Variants in UGGT2 observed in about 807,000 individuals in gnomAD.
UGGT2 encodes UDP-glucose glycoprotein glucosyltransferase 2, also known as UDP-glucose:glycoprotein glucosyltransferase 2.
A neutral mutation model predicts 192.1 loss-of-function variants in UGGT2; 180 were observed. That is an observed-to-expected ratio of 0.94 (90% CI 0.83 to 1.06). The LOEUF (loss-of-function observed/expected upper bound fraction) is 1.06. Among genes scored for constraint, UGGT2 ranks in the 50% least tolerant of loss-of-function variants. The pLI is 0.00. For synonymous variants in UGGT2, 580 were observed against 591.0 expected (o/e 0.98, Z 0.27); for missense variants, 1,849 against 1,795.7 (o/e 1.03, Z -0.54).
chr13:95,935,106 T>A (rs1350310200), intron 17 of UGGT2, among the ~76,000 whole-genome samples: 1 of 152,188 alleles, frequency 6.6e-6, no homozygotes, highest in Non-Finnish European at 1.5e-5. Flanking sequence ...TTTGAGCCCG[T>A]CTCCTGTAGA....
chr13:95,866,965 C>G (rs973766200), intron 30 of UGGT2, among the ~76,000 whole-genome samples: 1 of 152,022 alleles, frequency 6.6e-6, no homozygotes, highest in Admixed American at 6.6e-5. Flanking sequence ...CAAAAAGAAT[C>G]TGCTATCATT....
At chr13:95,947,676 CCT>C (rs781218404) in intron 14 of UGGT2, among the ~76,000 whole-genome samples, 19 of 129,994 alleles carry the variant, frequency 1.5e-4, no homozygotes, top group Non-Finnish European at 2.3e-4. Context: ...GTCTTGAACC[CCT>C]GACCTCGTGA....
intron 16 of UGGT2, among the ~76,000 whole-genome samples, chr13:95,938,354 A>G (rs985145737): frequency 6.6e-6 from 1 of 152,208 alleles, no homozygotes; most frequent in African/African-American, 2.4e-5. Context: ...GTGACTAAAT[A>G]ACTCATTTGC....
Position 95,949,455 on chromosome 13 carries a change from C to A in UGGT2, c.1336-1G>T, listed in dbSNP as rs2049988189. The A allele has an allele frequency of 1.4e-6, 2 of 1,472,882 alleles. No homozygotes were observed. The highest frequency in any genetic ancestry group is 1.8e-6 in the Non-Finnish European group (2 of 1,104,468). 91.2% of individuals were successfully genotyped at this position (1,472,882 alleles called of 1,614,324 possible). A position where few individuals can be genotyped will look rare whatever the true frequency, so the allele number is the denominator to read the frequency against. On this transcript the variant is annotated splice_acceptor_variant, in intron 12 of 38. Coordinates refer to ENST00000376747, the MANE Select transcript of UGGT2 (RefSeq NM_020121.4). LOFTEE classifies it high-confidence loss of function. ...CATCATTTTCTAAGTCATTAATCCA[C>A]TAGAAAAGAACGCAGACACTTGTGA...
Position 96,013,409 on chromosome 13 carries a change from G to C in UGGT2, c.558C>G (p.Leu186=). The C allele has an allele frequency of 6.2e-7, 1 of 1,609,186 alleles. No homozygotes were observed. ...ATGTTCTAGTACCCATTTCGGCATA[G>C]AGAATCACCACTGGTAAGTTCTCTT... ...TNKENLPVVI[L]YAEMGTRTFS... The change falls in exon 5 of 39, where the codon CTC becomes CTG. Residue 186 remains leucine, a synonymous_variant. Transcript: ENST00000376747.
chr13:95,866,004 T>C (rs760136398), intron 30 of UGGT2, among the ~76,000 whole-genome samples: 20 of 152,158 alleles, frequency 1.3e-4, no homozygotes, highest in Non-Finnish European at 2.6e-4. Flanking sequence ...TTAAATCCAC[T>C]GCTGGTAATC....
At chr13:95,899,558 C>T (rs2048044342) in intron 22 of UGGT2, among the ~76,000 whole-genome samples, 1 of 151,858 alleles carries the variant, frequency 6.6e-6, no homozygotes, top group East Asian at 1.9e-4. Flanking sequence ...ATGTCAATAA[C>T]ACTATATGAA....
intron 2 of UGGT2, among the ~76,000 whole-genome samples, chr13:96,031,663 C>T (rs2052839094): frequency 6.6e-6 from 1 of 152,108 alleles, no homozygotes; most frequent in Non-Finnish European, 1.5e-5. Flanking sequence ...AATATCCAAA[C>T]ATGACTAATT....
At chr13:96,009,406 A>G (rs1457267479) in intron 5 of UGGT2, among the ~76,000 whole-genome samples, 2 of 152,252 alleles carry the variant, frequency 1.3e-5, no homozygotes, top group Non-Finnish European at 2.9e-5. Flanking sequence ...TAAACACGCA[A>G]CCTACAGAAT....
chr13:95,884,059 T>A (rs1594228913), intron 27 of UGGT2, among the ~76,000 whole-genome samples: 1 of 75,658 alleles, frequency 1.3e-5, no homozygotes, highest in Admixed American at 2.0e-4. Context: ...CTATGAGCTG[T>A]GAGGCCAAAA....
intron 1 of UGGT2, among the ~76,000 whole-genome samples, chr13:96,035,499 CA>C (rs2052975642): frequency 6.6e-6 from 1 of 152,156 alleles, no homozygotes; most frequent in Non-Finnish European, 1.5e-5. Flanking sequence ...GACATAGACA[CA>C]AGCAATGATT....
intron 7 of UGGT2, chr13:95,990,559 A>C (rs2051425119): frequency 6.6e-6 from 1 of 152,264 alleles, no homozygotes; most frequent in African/African-American, 2.4e-5. Flanking sequence ...GGCATCTTTT[A>C]GAGAGCCAAA....
At chr13:95,942,227 T>G (rs1187486203) in intron 15 of UGGT2, among the ~76,000 whole-genome samples, 23 of 23,456 alleles carry the variant, frequency 9.8e-4, no homozygotes, top group Non-Finnish European at 2.1e-3. Context: ...TGAGGGTGTG[T>G]GTGTGTGTGT....
chr13:95,893,749 T>G (rs992234604), intron 24 of UGGT2, among the ~76,000 whole-genome samples: 1 of 131,582 alleles, frequency 7.6e-6, no homozygotes, highest in African/African-American at 2.6e-5. Flanking sequence ...GAATCTTCAG[T>G]AGTATTTTTT....
intron 20 of UGGT2, among the ~76,000 whole-genome samples, chr13:95,904,269 A>C (rs1444298478): frequency 6.6e-6 from 1 of 152,070 alleles, no homozygotes; most frequent in Admixed American, 6.6e-5. Context: ...TCTCTACTCT[A>C]AAGTAAAAAA....
chr13:95,849,288 G>C (rs896110690), intron 36 of UGGT2, among the ~76,000 whole-genome samples: 4 of 152,032 alleles, frequency 2.6e-5, no homozygotes, highest in African/African-American at 9.7e-5. Flanking sequence ...TGTAATCCCA[G>C]CACTTTGGGA....
At chr13:95,869,070 G>A (rs1180721690) in intron 29 of UGGT2, among the ~76,000 whole-genome samples, 1 of 141,132 alleles carries the variant, frequency 7.1e-6, no homozygotes, top group Non-Finnish European at 1.5e-5. Flanking sequence ...AGTGTGTGAT[G>A]TTCCCCTTCC....
intron 9 of UGGT2, among the ~76,000 whole-genome samples, chr13:95,985,753 T>C (rs1204611261): frequency 1.3e-5 from 2 of 152,212 alleles, no homozygotes; most frequent in South Asian, 2.1e-4. Context: ...TAACTTGCAT[T>C]GCATGCACCG....
chr13:95,903,083 A>G, intron 20 of UGGT2, 23 bp from the exon 21 acceptor site: 1 of 1,594,778 alleles, frequency 6.3e-7, no homozygotes, highest in Non-Finnish European at 8.5e-7. Context: ...TTATAGATTA[A>G]AAAGACCAGT....
Sources: allele counts gnomAD v4.1 joint callset (sites outside exome capture counted in the v4.1 genomes callset), GRCh38; gene constraint gnomAD v4.1.1; transcripts MANE v1.5; gene names NCBI Gene and HGNC (gene_info 2026-07-23, HGNC 2026-07-21).